ARHGEF38: variants seen among roughly 807,000 people sequenced by gnomAD.
ARHGEF38 encodes the protein Rho guanine nucleotide exchange factor 38.
A neutral mutation model predicts 79.9 loss-of-function variants in ARHGEF38; 79 were observed. That is an observed-to-expected ratio of 0.99 (90% CI 0.82 to 1.19). The LOEUF (loss-of-function observed/expected upper bound fraction) is 1.19. Among genes scored for constraint, ARHGEF38 ranks in the 50% most tolerant of loss-of-function variants. ARHGEF38 has a pLI of 0.00. For synonymous variants in ARHGEF38, 366 were observed against 328.3 expected, an observed-to-expected ratio of 1.11 and a Z score of -1.24; for missense variants, 962 against 907.2, an observed-to-expected ratio of 1.06 and a Z score of -0.78.
intron 1 of ARHGEF38, among the ~76,000 whole-genome samples, chr4:105,562,018 C>T (rs1323652710): frequency 6.6e-6 from 1 of 150,474 alleles, no homozygotes; most frequent in Non-Finnish European, 1.5e-5. Context: ...GTGTCAACTC[C>T]CTGTCTCTGA....
At chr4:105,571,659 C>T (rs116640390) in intron 1 of ARHGEF38, among the ~76,000 whole-genome samples, 4,372 of 152,214 alleles carry the variant, frequency 0.029, 223 homozygotes, top group African/African-American at 0.097. Flanking sequence ...TGATATTTTG[C>T]GTTGAATTCC....
rs571146362 is a variant in ARHGEF38, at chr4:105,614,380, C to T, written c.508+873C>T. Among the ~76,000 whole-genome samples, 9 of 152,210 alleles carry T rather than the reference C, an allele frequency of 5.9e-5. No individual in the cohort carries two copies. The East Asian group carries it at 9.6e-4, about 16-fold the overall frequency. Reference sequence around the variant, plus strand: ...TGCCACTGCCTTCCCCACAAGTAACCGCTTGTTTGATGTAGATCTTTACTT... The same window carrying T: ...TGCCACTGCCTTCCCCACAAGTAACTGCTTGTTTGATGTAGATCTTTACTT... On this transcript the variant is annotated intron_variant, in intron 3 of 13. Transcript: ENST00000420470.
chr4:105,675,183 AC>A (rs1165291577), intron 13 of ARHGEF38, among the ~76,000 whole-genome samples: 7 of 152,336 alleles, frequency 4.6e-5, no homozygotes, highest in African/African-American at 1.7e-4. Flanking sequence ...ACTTGCTAGA[AC>A]AAGAGTTTGG....
intron 13 of ARHGEF38, among the ~76,000 whole-genome samples, chr4:105,674,019 T>C (rs1731041114): frequency 6.6e-6 from 1 of 152,168 alleles, no homozygotes; most frequent in Non-Finnish European, 1.5e-5. Flanking sequence ...ATTATGACTT[T>C]TGTTGCTGTT....
chr4:105,574,997 CATACACACACATATAT>C (rs1560694789), intron 1 of ARHGEF38, among the ~76,000 whole-genome samples: 1 of 82,040 alleles, frequency 1.2e-5, no homozygotes, highest in Non-Finnish European at 2.9e-5. Flanking sequence ...TATGTACACA[CATACACACACATATAT>C]ACACACACAC....
chr4:105,562,720 A>G (rs1190247968), intron 1 of ARHGEF38, among the ~76,000 whole-genome samples: 1 of 152,204 alleles, frequency 6.6e-6, no homozygotes, highest in Admixed American at 6.5e-5. Context: ...GGTTGTGAAC[A>G]AATTATTGCA....
chr4:105,655,781 T>A, intron 9 of ARHGEF38, 59 bp downstream of exon 9: 1 of 1,471,718 alleles, frequency 6.8e-7, no homozygotes, highest in Non-Finnish European at 9.0e-7. Flanking sequence ...AAAGGAAAGC[T>A]GCTTTTTGTT....
intron 10 of ARHGEF38, among the ~76,000 whole-genome samples, chr4:105,664,373 G>A (rs1198245081): frequency 1.3e-5 from 2 of 151,978 alleles, no homozygotes; most frequent in East Asian, 3.9e-4. Context: ...TGATTCTCTT[G>A]GTATTTACCT....
chr4:105,594,960 T>G (rs972990532), intron 2 of ARHGEF38, among the ~76,000 whole-genome samples: 8 of 152,190 alleles, frequency 5.3e-5, no homozygotes, highest in African/African-American at 1.9e-4. Context: ...CTCTATGTTT[T>G]TGGCTATAAG....
Position 105,678,990 on chromosome 4 carries a change from C to A in ARHGEF38, c.*1053C>A. 1 of 278,714 alleles carries A rather than the reference C, an allele frequency of 3.6e-6. No homozygotes were observed. The highest frequency in any genetic ancestry group is 6.5e-6 in the Non-Finnish European group (1 of 154,692). The allele number at this position is 278,714 out of a possible 1,614,324, so 17.3% of individuals were successfully genotyped here. ...AACAATGATGACCTAATTTTTGATC[C>A]ATAATGTAAGATTAGGTAGAAATAG... On this transcript the variant is annotated 3_prime_UTR_variant, in exon 14 of 14. Transcript: ENST00000420470.
At chr4:105,607,502 A>G (rs1227820877) in intron 2 of ARHGEF38, among the ~76,000 whole-genome samples, 1 of 151,638 alleles carries the variant, frequency 6.6e-6, no homozygotes, top group Non-Finnish European at 1.5e-5. Flanking sequence ...GACACAGTAG[A>G]GTACTCATAA....
chr4:105,566,027 T>G (rs555578920), intron 1 of ARHGEF38, among the ~76,000 whole-genome samples: 18 of 152,254 alleles, frequency 1.2e-4, no homozygotes, highest in African/African-American at 4.3e-4. Flanking sequence ...CCCACAGGCT[T>G]CCTCCTCACC....
chr4:105,630,946 T>C lies in ARHGEF38; in HGVS notation c.557T>C (p.Ile186Thr). 1 of 1,612,710 alleles carries C rather than the reference T, an allele frequency of 6.2e-7. No individual in the cohort carries two copies. The highest frequency in any genetic ancestry group is 8.5e-7 in the Non-Finnish European group (1 of 1,179,546). Reference sequence around the variant, plus strand: ...GGGCCACTGGAAGATATTTATAAAATCTACTGCTATCACCATGATGAAGCA... The same window carrying C: ...GGGCCACTGGAAGATATTTATAAAACCTACTGCTATCACCATGATGAAGCA... Reference protein sequence around the residue: ...IKGPLEDIYKIYCYHHDEAHS... With the variant: ...IKGPLEDIYKTYCYHHDEAHS... The change falls in exon 4 of 14, where the codon ATC becomes ACC. Residue 186 changes from isoleucine (I) to threonine (T), a missense_variant. By Grantham distance (89) the Ile-to-Thr change is moderately conservative (BLOSUM62 -1). Coordinates refer to ENST00000420470, the MANE Select transcript of ARHGEF38 (RefSeq NM_001242729.2).
intron 3 of ARHGEF38, among the ~76,000 whole-genome samples, chr4:105,624,671 A>C (rs1168153235): frequency 1.3e-5 from 2 of 152,164 alleles, no homozygotes; most frequent in East Asian, 3.8e-4. Context: ...CCCTTGGAGA[A>C]CAGAATGAGG....
At chr4:105,647,481 A>T (rs1334162144) in intron 6 of ARHGEF38, among the ~76,000 whole-genome samples, 1 of 152,220 alleles carries the variant, frequency 6.6e-6, no homozygotes, top group Non-Finnish European at 1.5e-5. Flanking sequence ...AAGGATAAAT[A>T]TATAGATGTT....
chr4:105,593,759 C>A (rs1727449542), intron 2 of ARHGEF38, among the ~76,000 whole-genome samples: 1 of 151,990 alleles, frequency 6.6e-6, no homozygotes, highest in African/African-American at 2.4e-5. Context: ...CTTTTTTGTG[C>A]TTTTACTTTT....
At chr4:105,639,753 C>A (rs1467394972) in intron 5 of ARHGEF38, among the ~76,000 whole-genome samples, 2 of 151,812 alleles carry the variant, frequency 1.3e-5, no homozygotes, top group African/African-American at 4.8e-5. Context: ...GTATCAATAC[C>A]AAACTGCTTT....
At chr4:105,587,050 T>C (rs977743194) in intron 1 of ARHGEF38, among the ~76,000 whole-genome samples, 1 of 152,212 alleles carries the variant, frequency 6.6e-6, no homozygotes, top group Non-Finnish European at 1.5e-5. Flanking sequence ...GTCTTCCTCT[T>C]TCATATCCAA....
At chr4:105,609,978 C>T (rs557875933) in intron 2 of ARHGEF38, among the ~76,000 whole-genome samples, 4 of 152,138 alleles carry the variant, frequency 2.6e-5, no homozygotes, top group African/African-American at 9.6e-5. Flanking sequence ...CCATGATAGA[C>T]CGGATAAAGA....
Sources: allele counts gnomAD v4.1 joint callset (sites outside exome capture counted in the v4.1 genomes callset), GRCh38; gene constraint gnomAD v4.1.1; transcripts MANE v1.5; gene names NCBI Gene and HGNC (gene_info 2026-07-23, HGNC 2026-07-21).